Variants in BAG2 observed in about 807,000 individuals in gnomAD.
BAG2 encodes BAG family molecular chaperone regulator 2.
BAG2 carries 8 observed loss-of-function variants against 16.4 expected under a neutral mutation model. The observed-to-expected ratio is 0.49, with a 90% confidence interval of 0.29 to 0.88. The LOEUF (loss-of-function observed/expected upper bound fraction) is 0.88. Among genes scored for constraint, BAG2 ranks in the 40% least tolerant of loss-of-function variants. BAG2 has a pLI of 0.09. For synonymous variants in BAG2, 82 were observed against 89.2 expected, an observed-to-expected ratio of 0.92 and a Z score of 0.46; for missense variants, 218 against 248.9, an observed-to-expected ratio of 0.88 and a Z score of 0.84.
rs1048384980 is a variant in BAG2, at chr6:57,184,672, T to C, written c.*482T>C. 1.3e-5 allele frequency: 2 copies of C among 152,710 alleles called. No individual in the cohort carries two copies. Among genetic ancestry groups the C allele is most frequent in the Non-Finnish European group, 2.9e-5 (2 of 68,096 alleles). 9.5% of individuals were successfully genotyped at this position (152,710 alleles called of 1,614,324 possible). ...AAACAAGAATCTTTCCAAAGTTGTCTCATTCAGCAATGTTAAGGCATCTGT... is the reference window on the plus strand; with the variant it reads ...AAACAAGAATCTTTCCAAAGTTGTCCCATTCAGCAATGTTAAGGCATCTGT... On this transcript the variant is annotated 3_prime_UTR_variant, in exon 3 of 3. Transcript: ENST00000370693.
chr6:57,183,595 G>A (rs922717416), intron 2 of BAG2, among the ~76,000 whole-genome samples, 183 bp from the exon 3 acceptor site: 2 of 152,048 alleles, frequency 1.3e-5, no homozygotes, highest in African/African-American at 4.8e-5. Context: ...GTCAGGAAGT[G>A]GTATTCTACA....
chr6:57,182,186 TA>T, intron 2 of BAG2, 45 bp downstream of exon 2: 1 of 1,547,506 alleles, frequency 6.5e-7, no homozygotes. Context: ...TACACTCCTT[TA>T]AAGAGTTTAT....
intron 1 of BAG2, among the ~76,000 whole-genome samples, chr6:57,175,749 C>T (rs998666417): frequency 1.3e-5 from 2 of 152,174 alleles, no homozygotes; most frequent in African/African-American, 2.4e-5. Context: ...AGGTGGTGTG[C>T]CCCTTCCCCC....
At position 57,188,942 on chromosome 6, in the gene BAG2, T is replaced by A. The variant is rs1764723177; in HGVS notation, c.*4752T>A. ...AACAAAAGATAAAACACAAAAGGAG[T>A]ACATAAAACATTGTTTAGTACAAAT... On this transcript the variant is annotated 3_prime_UTR_variant, in exon 3 of 3. Transcript: ENST00000370693. 1 of 151,814 alleles carries A rather than the reference T, an allele frequency of 6.6e-6. No individual in the cohort carries two copies. The highest frequency in any genetic ancestry group is 1.5e-5 in the Non-Finnish European group (1 of 67,918). 9.4% of individuals were successfully genotyped at this position (151,814 alleles called of 1,614,324 possible). A position where few individuals can be genotyped will look rare whatever the true frequency, so the allele number is the denominator to read the frequency against.
In BAG2 at chr6:57,186,181, T is replaced by A. The variant is rs1338650487; in HGVS notation, c.*1991T>A. The A allele has an allele frequency of 1.3e-5, 2 of 152,088 alleles. No individual in the cohort carries two copies. The highest frequency in any genetic ancestry group is 4.8e-5 in the African/African-American group (2 of 41,422). 9.4% of individuals were successfully genotyped at this position (152,088 alleles called of 1,614,324 possible). A position where few individuals can be genotyped will look rare whatever the true frequency, so the allele number is the denominator to read the frequency against. ...TCTGACAAGTAGAAGACATATCCAC[T>A]GTAGCAAGGAACACTATGGAGTATA... On this transcript the variant is annotated 3_prime_UTR_variant, in exon 3 of 3. Transcript: ENST00000370693.
rs188737182 is a variant in BAG2 at position 57,182,187 on chromosome 6, A to C, written c.223+46A>C. 6.1e-5 allele frequency: 95 copies of C among 1,551,710 alleles called. No homozygotes were observed. The African/African-American group carries it at 1.0e-3, about 17-fold the overall frequency. On this transcript the variant is annotated intron_variant, in intron 2 of 2. Transcript: ENST00000370693. The stretch of plus-strand genomic sequence containing the variant: ...AGGGGCTCATCTTTTACACTCCTTT[A>C]AAGAGTTTATGATAAGTGTGGGTCA...
At position 57,189,801 on chromosome 6, in the gene BAG2, T is replaced by G. The variant is rs953906973; in HGVS notation, c.*5611T>G. On this transcript the variant is annotated 3_prime_UTR_variant, in exon 3 of 3. Coordinates refer to ENST00000370693, the MANE Select transcript of BAG2 (RefSeq NM_004282.4). ...ATTTTGCAAAATATATGTCTAGAGT[T>G]TATCATTTGAAAATAAAAACATATA... 6.5e-6 allele frequency: 1 copy of G among 152,926 alleles called. No individual in the cohort carries two copies. 9.5% of individuals were successfully genotyped at this position (152,926 alleles called of 1,614,324 possible).
Position 57,187,974 on chromosome 6 carries a change from C to CACAG in BAG2, c.*3785_*3786insCAGA, listed in dbSNP as rs1328755316. 3 of 149,102 alleles carry CACAG rather than the reference C, an allele frequency of 2.0e-5. No homozygotes were observed. The highest frequency in any genetic ancestry group is 7.5e-5 in the African/African-American group (3 of 39,848). The allele number at this position is 149,102 out of a possible 1,614,324, so 9.2% of individuals were successfully genotyped here. A position where few individuals can be genotyped will look rare whatever the true frequency, so the allele number is the denominator to read the frequency against. On this transcript the variant is annotated 3_prime_UTR_variant, in exon 3 of 3. Transcript: ENST00000370693. ...GGGTCATTCTATATACTATTTAATT[C>CACAG]ATAGACAGAGACTGGAAAAGGAAAA...
chr6:57,182,530 CAAAAAAAAAA>C (rs758049333), intron 2 of BAG2, among the ~76,000 whole-genome samples: 1 of 41,606 alleles, frequency 2.4e-5, no homozygotes, highest in Non-Finnish European at 5.5e-5. Flanking sequence ...AAGTAGAGAC[CAAAAAAAAAA>C]AAAAAAAAAA....
At chr6:57,177,620 G>A (rs770973500) in intron 1 of BAG2, among the ~76,000 whole-genome samples, 1 of 152,130 alleles carries the variant, frequency 6.6e-6, no homozygotes, top group Non-Finnish European at 1.5e-5. Context: ...ACTTGTGTGT[G>A]TGTGTAATTT....
At chr6:57,181,902 A>C (rs1245721406) in intron 1 of BAG2, 130 bp from the exon 2 acceptor site, 1 of 713,452 alleles carries the variant, frequency 1.4e-6, no homozygotes, top group Non-Finnish European at 2.3e-6. Context: ...AGAATTTTAA[A>C]GCAGAAATGA....
In BAG2 at chr6:57,184,383, C is replaced by A. The variant is rs994126548; in HGVS notation, c.*193C>A. On this transcript the variant is annotated 3_prime_UTR_variant, in exon 3 of 3. Transcript: ENST00000370693. ...AACTAGCAATATTTTAATTATCTAT[C>A]TAGAGATTTTTTAGATTGAATTCTT... 4.4e-6 allele frequency: 2 copies of A among 458,798 alleles called. No individual in the cohort carries two copies. The highest frequency in any genetic ancestry group is 8.0e-5 in the Admixed American group (2 of 25,122). The allele number at this position is 458,798 out of a possible 1,614,324, so 28.4% of individuals were successfully genotyped here.
At chr6:57,181,636 G>A (rs563709226) in intron 1 of BAG2, among the ~76,000 whole-genome samples, 2 of 152,238 alleles carry the variant, frequency 1.3e-5, no homozygotes, top group Admixed American at 1.3e-4. Flanking sequence ...GGAGGTGGAG[G>A]CTGCGGTGAG....
chr6:57,174,493 C>A, intron 1 of BAG2: 1 of 959,888 alleles, frequency 1.0e-6, no homozygotes. Flanking sequence ...AAAATGAATT[C>A]TGATTGCACA....
In BAG2 at chr6:57,172,746, C is replaced by G; in HGVS notation, c.49C>G (p.Arg17Gly). 3 of 1,582,556 alleles carry G rather than the reference C, an allele frequency of 1.9e-6. No individual in the cohort carries two copies. The highest frequency in any genetic ancestry group is 2.6e-6 in the Non-Finnish European group (3 of 1,167,298). The change falls in exon 1 of 3, where the codon CGC becomes GGC. Residue 17 changes from arginine to glycine, a missense_variant. Transcript: ENST00000370693. ...TAAAGCCAACGAGGGGCGCTTCTGC[C>G]GCTCCTCCTCCATGGCTGACCGCTC... ...NAKANEGRFC[R>G]SSSMADRSSR...
chr6:57,172,658 GGGC>G lies in BAG2; in HGVS notation c.-39_-37del. On this transcript the variant is annotated 5_prime_UTR_variant, in exon 1 of 3. Coordinates refer to ENST00000370693, the MANE Select transcript of BAG2 (RefSeq NM_004282.4). ...AGCGCTCCACTCGCTGCCGCCGGAGGGGCCGGTGACCTCTTGGCTACCCCGCGT... is the reference window on the plus strand; with the variant it reads ...AGCGCTCCACTCGCTGCCGCCGGAGGCGGTGACCTCTTGGCTACCCCGCGT... The G allele has an allele frequency of 7.0e-7, 1 of 1,436,124 alleles. No individual in the cohort carries two copies. The highest frequency in any genetic ancestry group is 9.3e-7 in the Non-Finnish European group (1 of 1,080,234). The allele number at this position is 1,436,124 out of a possible 1,614,324, so 89.0% of individuals were successfully genotyped here.
chr6:57,177,469 T>G (rs1764313509), intron 1 of BAG2, among the ~76,000 whole-genome samples: 1 of 152,146 alleles, frequency 6.6e-6, no homozygotes, highest in Non-Finnish European at 1.5e-5. Flanking sequence ...GGTATGAGCA[T>G]TTGCCATTTT....
chr6:57,188,525 A>G lies in BAG2; in HGVS notation c.*4335A>G, dbSNP rs1407015325. The stretch of plus-strand genomic sequence containing the variant: ...TATAACAAGTGATTTTTCTGCCAAT[A>G]AAGACAAAAGACTATTTGTTGCAAA... On this transcript the variant is annotated 3_prime_UTR_variant, in exon 3 of 3. Coordinates refer to ENST00000370693, the MANE Select transcript of BAG2 (RefSeq NM_004282.4). The G allele has an allele frequency of 6.6e-6, 1 of 152,166 alleles. No individual in the cohort carries two copies. Among genetic ancestry groups the G allele is most frequent in the Non-Finnish European group, 1.5e-5 (1 of 68,004 alleles). The allele number at this position is 152,166 out of a possible 1,614,324, so 9.4% of individuals were successfully genotyped here.
At chr6:57,183,154 T>G (rs1036092584) in intron 2 of BAG2, among the ~76,000 whole-genome samples, 2 of 152,194 alleles carry the variant, frequency 1.3e-5, no homozygotes, top group Non-Finnish European at 2.9e-5. Flanking sequence ...ATCTAGTCTC[T>G]ACGCTATCCT....
Sources: allele counts gnomAD v4.1 joint callset (sites outside exome capture counted in the v4.1 genomes callset), GRCh38; gene constraint gnomAD v4.1.1; transcripts MANE v1.5; gene names NCBI Gene and HGNC (gene_info 2026-07-23, HGNC 2026-07-21).